RNF8: variants seen among roughly 807,000 people sequenced by gnomAD.
The protein encoded by RNF8 is ring finger protein 8.
A neutral mutation model predicts 59.3 loss-of-function variants in RNF8; 8 were observed. That is an observed-to-expected ratio of 0.13 (90% confidence interval 0.08 to 0.24). RNF8 has a LOEUF of 0.24. Among genes scored for constraint, RNF8 ranks in the 10% least tolerant of loss-of-function variants. RNF8 has a pLI of 1.00. For missense variants in RNF8, 406 were observed against 572.6 expected, an observed-to-expected ratio of 0.71 and a Z score of 2.97; for synonymous variants, 162 against 200.0, an observed-to-expected ratio of 0.81 and a Z score of 1.60.
In RNF8 at chr6:37,390,849, C is replaced by G; in HGVS notation, c.*91C>G. 6.2e-7 allele frequency: 1 copy of G among 1,611,730 alleles called. No homozygotes were observed. Among genetic ancestry groups the G allele is most frequent in the Non-Finnish European group, 8.5e-7 (1 of 1,177,826 alleles). On this transcript the variant is annotated 3_prime_UTR_variant, in exon 8 of 8. Coordinates refer to ENST00000373479, the MANE Select transcript of RNF8 (RefSeq NM_003958.4). ...TCTCTCTAGCCGTGACTCCGCTGCT[C>G]TGAAGGTCAACTGAGAAGTCTTGTG...
chr6:37,356,425 C>T (rs1179067575), intron 1 of RNF8, among the ~76,000 whole-genome samples: 1 of 152,186 alleles, frequency 6.6e-6, no homozygotes, highest in African/African-American at 2.4e-5. Flanking sequence ...CAGTTCCCTG[C>T]CTTTCCAGTT....
intron 4 of RNF8, among the ~76,000 whole-genome samples, chr6:37,373,862 ATACT>A (rs1243027622): frequency 1.3e-5 from 2 of 152,226 alleles, no homozygotes; most frequent in African/African-American, 4.8e-5. Context: ...CTTTTCAAAA[ATACT>A]TACCTTTACT....
chr6:37,365,475 T>C (rs919813451), intron 2 of RNF8, among the ~76,000 whole-genome samples: 1 of 152,268 alleles, frequency 6.6e-6, no homozygotes, highest in African/African-American at 2.4e-5. Context: ...ACCTAGGCAC[T>C]GCTCTTTGTT....
At position 37,392,543 on chromosome 6, in the gene RNF8, T is replaced by A; in HGVS notation, c.*1785T>A. 2.5e-6 allele frequency: 1 copy of A among 398,636 alleles called. No homozygotes were observed. Among genetic ancestry groups the A allele is most frequent in the Admixed American group, 4.4e-5 (1 of 22,734 alleles). The allele number at this position is 398,636 out of a possible 1,614,324, so 24.7% of individuals were successfully genotyped here. A position where few individuals can be genotyped will look rare whatever the true frequency, so the allele number is the denominator to read the frequency against. On this transcript the variant is annotated 3_prime_UTR_variant, in exon 8 of 8. Coordinates refer to ENST00000373479, the MANE Select transcript of RNF8 (RefSeq NM_003958.4). Reference sequence around the variant, plus strand: ...TACAAGCAAAAACACATGTGGTCTTTTTCCTTGCTTTGCACAAATGGTAAA... The same window carrying A: ...TACAAGCAAAAACACATGTGGTCTTATTCCTTGCTTTGCACAAATGGTAAA...
rs1294995959 is a variant in RNF8 at position 37,394,264 on chromosome 6, GTTAGC to G, written c.*3509_*3513del. Reference sequence around the variant, plus strand: ...GGTCAAGGGCTTGTTCTGAACCCTAGTTAGCTTCATTCAGAGAAAGAAACTTCCTA... The same window carrying G: ...GGTCAAGGGCTTGTTCTGAACCCTAGTTCATTCAGAGAAAGAAACTTCCTA... On this transcript the variant is annotated 3_prime_UTR_variant, in exon 8 of 8. Coordinates refer to ENST00000373479, the MANE Select transcript of RNF8 (RefSeq NM_003958.4). The G allele has an allele frequency of 6.6e-6, 1 of 152,172 alleles. No individual in the cohort carries two copies. The highest frequency in any genetic ancestry group is 1.5e-5 in the Non-Finnish European group (1 of 68,038). 9.4% of individuals were successfully genotyped at this position (152,172 alleles called of 1,614,324 possible). A position where few individuals can be genotyped will look rare whatever the true frequency, so the allele number is the denominator to read the frequency against.
In RNF8 at chr6:37,374,688, C is replaced by T; in HGVS notation, c.1107C>T (p.Asn369=). 1.2e-6 allele frequency: 2 copies of T among 1,613,884 alleles called. No individual in the cohort carries two copies. The highest frequency in any genetic ancestry group is 8.5e-7 in the Non-Finnish European group (1 of 1,179,886). The change falls in exon 5 of 8, where the codon AAC becomes AAT. Residue 369 remains asparagine, a synonymous_variant. Transcript: ENST00000373479. The stretch of plus-strand genomic sequence containing the variant: ...TTGAAGCAATCATTCAAGCCAAGAA[C>T]AAAGAATTAGAGCAGACCAAGGTAC... ...KDFEAIIQAK[N]KELEQTKEEK... is the part of the protein sequence containing the mutation.
chr6:37,376,318 T>C (rs921435153), intron 5 of RNF8, among the ~76,000 whole-genome samples: 1 of 152,194 alleles, frequency 6.6e-6, no homozygotes, highest in African/African-American at 2.4e-5. Context: ...AGACAGAATT[T>C]GCAATGCAAA....
intron 6 of RNF8, among the ~76,000 whole-genome samples, chr6:37,379,320 A>C (rs947466851): frequency 6.6e-6 from 1 of 152,050 alleles, no homozygotes; most frequent in African/African-American, 2.4e-5. Context: ...CTTCATTTTT[A>C]TCAGATAGGT....
At chr6:37,375,244 A>G (rs1719094581) in intron 5 of RNF8, among the ~76,000 whole-genome samples, 2 of 152,010 alleles carry the variant, frequency 1.3e-5, no homozygotes, top group African/African-American at 2.4e-5. Flanking sequence ...ACTTGCCCAC[A>G]CCCCCATCCC....
At chr6:37,382,985 AAAAG>A (rs951618446) in intron 7 of RNF8, among the ~76,000 whole-genome samples, 1 of 152,056 alleles carries the variant, frequency 6.6e-6, no homozygotes, top group Non-Finnish European at 1.5e-5. Context: ...AAAAAAAAAA[AAAAG>A]GAAAGAAGGG....
intron 2 of RNF8, chr6:37,361,374 C>G (rs1181344676): frequency 4.4e-6 from 2 of 456,208 alleles, no homozygotes; most frequent in Admixed American, 4.7e-5. Context: ...GTGAACTGAC[C>G]CAGGTTGGAA....
intron 1 of RNF8, chr6:37,359,265 T>G: frequency 2.3e-6 from 1 of 442,732 alleles, no homozygotes. Context: ...CCGGAAGCTC[T>G]CAAGCTGTTC....
Position 37,390,925 on chromosome 6 carries a change from C to A in RNF8, c.*167C>A. ...CTCAGTCACTTGCCTTCCACGGTGG[C>A]CAGCCCTGCTGCCATCATTGGCTGA... is the stretch of plus-strand genomic sequence containing the variant. On this transcript the variant is annotated 3_prime_UTR_variant, in exon 8 of 8. Transcript: ENST00000373479. 8.8e-7 allele frequency: 1 copy of A among 1,138,348 alleles called. No homozygotes were observed. The highest frequency in any genetic ancestry group is 1.3e-5 in the South Asian group (1 of 79,862). The allele number at this position is 1,138,348 out of a possible 1,614,324, so 70.5% of individuals were successfully genotyped here. A position where few individuals can be genotyped will look rare whatever the true frequency, so the allele number is the denominator to read the frequency against.
chr6:37,381,489 A>AG, intron 7 of RNF8, 135 bp downstream of exon 7: 1 of 733,194 alleles, frequency 1.4e-6, no homozygotes, highest in South Asian at 1.9e-5. Context: ...AATGGGGAGG[A>AG]GTAAAGGGAG....
rs1769259629 is a variant in RNF8 at position 37,360,172 on chromosome 6, T to C, written c.112-274T>C. ...AAAGAATTCCTCTATCTCATAGTCA[T>C]TGAACCAGATGACCTTTCAAGATCT... On this transcript the variant is annotated intron_variant, in intron 1 of 7. Coordinates refer to ENST00000373479, the MANE Select transcript of RNF8 (RefSeq NM_003958.4). The surrounding 1 kb of genome is among the most constrained non-coding windows in gnomAD (Gnocchi z 4.2). Among the ~76,000 whole-genome samples, 1 of 152,224 alleles carries C rather than the reference T, an allele frequency of 6.6e-6. No individual in the cohort carries two copies. The highest frequency in any genetic ancestry group is 2.1e-4 in the South Asian group (1 of 4,830).
intron 7 of RNF8, among the ~76,000 whole-genome samples, chr6:37,388,232 A>G (rs1770590167): frequency 6.6e-6 from 1 of 152,156 alleles, no homozygotes; most frequent in African/African-American, 2.4e-5. Context: ...GGTCTGTGGG[A>G]CTGATGTGCT....
chr6:37,386,110 A>G (rs1429600023), intron 7 of RNF8, among the ~76,000 whole-genome samples: 1 of 148,012 alleles, frequency 6.8e-6, no homozygotes, highest in Non-Finnish European at 1.5e-5. Flanking sequence ...TGCCAGGATT[A>G]CAGGTGTGAG....
At chr6:37,375,905 C>T (rs1769995000) in intron 5 of RNF8, among the ~76,000 whole-genome samples, 1 of 152,172 alleles carries the variant, frequency 6.6e-6, no homozygotes, top group African/African-American at 2.4e-5. Flanking sequence ...TAGGAGCCTC[C>T]TTAAAAAGTG....
intron 7 of RNF8, among the ~76,000 whole-genome samples, chr6:37,389,624 A>G (rs1469924891): frequency 6.6e-6 from 1 of 151,950 alleles, no homozygotes; most frequent in Non-Finnish European, 1.5e-5. Context: ...GAAGACAGGG[A>G]GTACAGAGCT....
Sources: gnomAD v4.1 joint callset for allele counts (sites outside exome capture counted in the v4.1 genomes callset) on GRCh38, gnomAD v4.1.1 for gene constraint, Gnocchi (gnomAD v3.1) non-coding constraint, MANE v1.5 for transcripts, NCBI Gene and HGNC (gene_info 2026-07-23, HGNC 2026-07-21) for gene names.